Variants in RXYLT1 observed in about 807,000 individuals in gnomAD.
RXYLT1 encodes ribitol xylosyltransferase 1.
A neutral mutation model predicts 43.5 loss-of-function variants in RXYLT1; 41 were observed. That is an observed-to-expected ratio of 0.94 (90% confidence interval 0.73 to 1.22). RXYLT1 has a LOEUF of 1.22. RXYLT1 is among the 50% of genes most tolerant of loss of function. RXYLT1 has a pLI of 0.00. For missense variants in RXYLT1, 514 were observed against 532.0 expected, an observed-to-expected ratio of 0.97 and a Z score of 0.33; for synonymous variants, 166 against 194.4, an observed-to-expected ratio of 0.85 and a Z score of 1.21.
chr12:63,785,715 A>AT (rs1897786553), intron 3 of RXYLT1, among the ~76,000 whole-genome samples: 1 of 151,978 alleles, frequency 6.6e-6, no homozygotes, highest in Non-Finnish European at 1.5e-5. Flanking sequence ...ATTTTATTAG[A>AT]TTTTGCTTTA....
rs1432824505 is a variant in RXYLT1, at chr12:63,780,058, G to T, written c.98G>T (p.Arg33Leu). 4.4e-6 allele frequency: 7 copies of T among 1,604,410 alleles called. No individual in the cohort carries two copies. The highest frequency in any genetic ancestry group is 5.9e-6 in the Non-Finnish European group (7 of 1,177,276). The change falls in exon 1 of 6, where the codon CGC becomes CTC. Residue 33 changes from arginine (R) to leucine (L), a missense_variant. Physicochemically the swap from Arg to Leu is moderately radical, Grantham distance 102 (BLOSUM62 -2). Transcript: ENST00000261234. ...TACCACGTCTTCTTCGGGCGCCGCCGCCAGGCGCCGGCCGGGTCCCCGCGG... is the reference window on the plus strand; with the variant it reads ...TACCACGTCTTCTTCGGGCGCCGCCTCCAGGCGCCGGCCGGGTCCCCGCGG... ...AAYHVFFGRRRQAPAGSPRGL... is the reference protein window; with the variant it reads ...AAYHVFFGRRLQAPAGSPRGL...
chr12:63,797,175 G>A (rs1453812620), intron 3 of RXYLT1, among the ~76,000 whole-genome samples: 3 of 151,492 alleles, frequency 2.0e-5, no homozygotes, highest in Admixed American at 1.3e-4. Flanking sequence ...TGTTGGCCAG[G>A]CTGGTCTCGA....
chr12:63,780,354 G>C (rs1352924348), intron 1 of RXYLT1: 1 of 1,287,566 alleles, frequency 7.8e-7, no homozygotes, highest in Non-Finnish European at 9.8e-7. Flanking sequence ...CCGATCCCAG[G>C]GGGTGACAGG....
In RXYLT1 at chr12:63,781,042, G is replaced by A. The variant is rs1674585739; in HGVS notation, c.193G>A (p.Glu65Lys). The A allele has an allele frequency of 2.5e-6, 4 of 1,603,690 alleles. 1 individual carries two copies. In the South Asian group the frequency reaches 4.5e-5, roughly 18 times the overall value. ...AGAACAGTCCACTTTGGAAAGTGAAGAATGGAATCCTTGGGAAGGAGATGA... is the reference window on the plus strand; with the variant it reads ...AGAACAGTCCACTTTGGAAAGTGAAAAATGGAATCCTTGGGAAGGAGATGA... ...GREQSTLESE[E>K]WNPWEGDEKN... The change falls in exon 2 of 6, where the codon GAA becomes AAA. Residue 65 changes from glutamate to lysine, a missense_variant. Coordinates refer to ENST00000261234, the MANE Select transcript of RXYLT1 (RefSeq NM_014254.3).
rs767728184 is a variant in RXYLT1 at position 63,808,905 on chromosome 12, CCTTTAT to C, written c.1153_1158del (p.Phe385_Ile386del). ...CAGTTACTCAAGTCCATGGGTGCTC[CCTTTAT>C]CTTTATCAAGAACTGGAAGGAACTC... On this transcript the variant is annotated inframe_deletion, in exon 6 of 6. Transcript: ENST00000261234. 2.6e-5 allele frequency: 42 copies of C among 1,613,888 alleles called. No individual in the cohort carries two copies. The highest frequency in any genetic ancestry group is 4.0e-5 in the African/African-American group (3 of 74,892).
chr12:63,794,097 T>G (rs1032847038), intron 3 of RXYLT1, among the ~76,000 whole-genome samples: 3 of 152,150 alleles, frequency 2.0e-5, no homozygotes, highest in Non-Finnish European at 2.9e-5. Context: ...AGTGATAACT[T>G]TTCGTGTTAC....
At chr12:63,798,970 A>G (rs1898094806) in intron 3 of RXYLT1, among the ~76,000 whole-genome samples, 1 of 152,192 alleles carries the variant, frequency 6.6e-6, no homozygotes, top group Non-Finnish European at 1.5e-5. Context: ...TAATGACTTT[A>G]AAAATTGAAC....
intron 3 of RXYLT1, among the ~76,000 whole-genome samples, chr12:63,796,963 CT>C (rs776895611): frequency 0.055 from 7,329 of 132,236 alleles, 164 homozygotes; most frequent in African/African-American, 0.091. Context: ...TTTTCTTTTT[CT>C]TTTTTTTTTT....
intron 3 of RXYLT1, among the ~76,000 whole-genome samples, chr12:63,786,596 T>C (rs964695675): frequency 3.9e-5 from 6 of 152,232 alleles, no homozygotes; most frequent in Admixed American, 2.6e-4. Context: ...GCAAGTCATC[T>C]TTTTGCTGGT....
Position 63,780,065 on chromosome 12 carries a change from G to A in RXYLT1, c.105G>A (p.Ala35=), listed in dbSNP as rs371579393. The A allele has an allele frequency of 1.0e-5, 16 of 1,599,522 alleles. No individual in the cohort carries two copies. The highest frequency in any genetic ancestry group is 1.3e-5 in the Non-Finnish European group (15 of 1,175,310). ...YHVFFGRRRQ[A]PAGSPRGLRK... ...TCTTCTTCGGGCGCCGCCGCCAGGC[G>A]CCGGCCGGGTCCCCGCGGGGCCTCA... The change falls in exon 1 of 6, where the codon GCG becomes GCA. Residue 35 remains alanine, a synonymous_variant. Transcript: ENST00000261234.
Position 63,809,076 on chromosome 12 carries a change from T to A in RXYLT1, c.1316T>A (p.Met439Lys). ...AATATTTTAGAAAGCTCATTTTTAA[T>A]GAATAATAAAAGTTAATTATCTTTT... Reference protein sequence around the residue: ...FTNILESSFLMNNKS With the variant: ...FTNILESSFLKNNKS Residue 439 changes from methionine to lysine, a missense_variant, in exon 6 of 6, where the codon ATG becomes AAG. Coordinates refer to ENST00000261234, the MANE Select transcript of RXYLT1 (RefSeq NM_014254.3). 1 of 1,532,328 alleles carries A rather than the reference T, an allele frequency of 6.5e-7. No individual in the cohort carries two copies. The highest frequency in any genetic ancestry group is 8.8e-7 in the Non-Finnish European group (1 of 1,133,536). 94.9% of individuals were successfully genotyped at this position (1,532,328 alleles called of 1,614,324 possible).
intron 2 of RXYLT1, chr12:63,782,471 G>A: frequency 2.2e-6 from 1 of 455,758 alleles, no homozygotes; most frequent in South Asian, 1.6e-5. Flanking sequence ...TTATCAGCCT[G>A]TTGACAGCTG....
Position 63,781,002 on chromosome 12 carries a change from TA to T in RXYLT1, c.170-16del, listed in dbSNP as rs1565898109. ...CAATAATACCTTACTGGTAAACACT[TA>T]CTCTTTTTAAAACAGAACAGTCCAC... On this transcript the variant is annotated splice_polypyrimidine_tract_variant and intron_variant, in intron 1 of 5. Transcript: ENST00000261234. 4.5e-6 allele frequency: 7 copies of T among 1,553,904 alleles called. No homozygotes were observed. The highest frequency in any genetic ancestry group is 6.1e-6 in the Non-Finnish European group (7 of 1,156,022).
Position 63,808,724 on chromosome 12 carries a change from T to G in RXYLT1, c.964T>G (p.Leu322Val), listed in dbSNP as rs1565908591. The change falls in exon 6 of 6, where the codon TTG becomes GTG. Residue 322 changes from leucine (L) to valine (V), a missense_variant. Transcript: ENST00000261234. ...NESLKNYQDALLQSDLTLCPV... is the reference protein window; with the variant it reads ...NESLKNYQDAVLQSDLTLCPV... ...AAGTCTTAAGAATTACCAAGATGCC[T>G]TGCTTCAGAGTGATCTCACATTGTG... The G allele has an allele frequency of 6.2e-7, 1 of 1,606,120 alleles. No individual in the cohort carries two copies. Among genetic ancestry groups the G allele is most frequent in the East Asian group, 2.2e-5 (1 of 44,856 alleles).
chr12:63,783,829 G>C (rs571196831), intron 2 of RXYLT1, among the ~76,000 whole-genome samples: 18 of 152,296 alleles, frequency 1.2e-4, no homozygotes, highest in African/African-American at 3.9e-4. Flanking sequence ...TCTGAAGGCA[G>C]AACTCTAAAA....
intron 3 of RXYLT1, among the ~76,000 whole-genome samples, chr12:63,792,508 A>G (rs1445194907): frequency 6.6e-6 from 1 of 152,168 alleles, no homozygotes; most frequent in African/African-American, 2.4e-5. Flanking sequence ...TGTGGGTGAG[A>G]TGGGCTTCCA....
chr12:63,796,200 G>A (rs980196526), intron 3 of RXYLT1, among the ~76,000 whole-genome samples: 2 of 152,092 alleles, frequency 1.3e-5, no homozygotes, highest in Non-Finnish European at 2.9e-5. Context: ...TTTGTAGAAC[G>A]TCCTTTAGTT....
chr12:63,799,306 T>TC (rs1488195894), intron 3 of RXYLT1, among the ~76,000 whole-genome samples: 2 of 143,882 alleles, frequency 1.4e-5, no homozygotes, highest in Admixed American at 7.0e-5. Context: ...TCTTTTCTTT[T>TC]TTTTTTTTTT....
chr12:63,801,997 T>C, intron 3 of RXYLT1, 94 bp from the exon 4 acceptor site: 1 of 1,169,460 alleles, frequency 8.6e-7, no homozygotes, highest in Non-Finnish European at 1.2e-6. Flanking sequence ...TTAAATCTCA[T>C]TGTAGATTTT....
Sources: allele counts gnomAD v4.1 joint callset (sites outside exome capture counted in the v4.1 genomes callset), GRCh38; gene constraint gnomAD v4.1.1; transcripts MANE v1.5; gene names NCBI Gene and HGNC (gene_info 2026-07-23, HGNC 2026-07-21).